The following MIA2 variants were observed in gnomAD, a reference collection of about 807,000 sequenced individuals.
MIA2 encodes the protein MIA SH3 domain ER export factor 2, also known as melanoma inhibitory activity protein 2.
MIA2 carries 127 observed loss-of-function variants against 167.8 expected under a neutral mutation model. The observed-to-expected ratio is 0.76, with a 90% CI of 0.66 to 0.88. The LOEUF is 0.88. Ranked by LOEUF, MIA2 falls within the 40% of genes least tolerant of loss-of-function variation. The pLI is 0.00. For missense variants in MIA2, 1,690 were observed against 1,624.7 expected, an observed-to-expected ratio of 1.04 and a Z score of -0.69; for synonymous variants, 552 against 541.9, an observed-to-expected ratio of 1.02 and a Z score of -0.26.
chr14:39,277,584 AG>A (rs2058188456), intron 7 of MIA2, among the ~76,000 whole-genome samples: 2 of 148,382 alleles, frequency 1.3e-5, no homozygotes, highest in South Asian at 4.3e-4. Flanking sequence ...CCTGGGCTCA[AG>A]TGATCCTCCT....
chr14:39,264,357 C>T (rs1263529075), intron 6 of MIA2, among the ~76,000 whole-genome samples: 2 of 152,116 alleles, frequency 1.3e-5, no homozygotes, highest in African/African-American at 4.8e-5. Context: ...TGATGGGCAC[C>T]TAGGGTGAGT....
intron 23 of MIA2, chr14:39,385,775 C>A: frequency 2.3e-6 from 2 of 868,420 alleles, no homozygotes; most frequent in Non-Finnish European, 4.0e-6. Flanking sequence ...GTTACCAGGT[C>A]ATTTAATTGC....
intron 25 of MIA2, among the ~76,000 whole-genome samples, chr14:39,329,108 TTTC>T (rs1228557375): frequency 1.3e-5 from 2 of 151,804 alleles, no homozygotes; most frequent in Non-Finnish European, 2.9e-5. Context: ...GCATGGAATG[TTTC>T]TTCTTTTGTT....
intron 23 of MIA2, chr14:39,385,339 A>C: frequency 1.2e-6 from 1 of 810,538 alleles, no homozygotes; most frequent in Non-Finnish European, 2.1e-6. Context: ...AAAAAAGTTC[A>C]GGTTATACTC....
intron 6 of MIA2, among the ~76,000 whole-genome samples, chr14:39,268,774 C>A (rs2056531032): frequency 1.3e-5 from 2 of 152,082 alleles, no homozygotes; most frequent in Non-Finnish European, 2.9e-5. Flanking sequence ...AAAGAGGGTA[C>A]TGTGTGGAGA....
intron 9 of MIA2, 33 bp from the exon 10 acceptor site, chr14:39,290,986 A>C: frequency 6.4e-7 from 1 of 1,559,150 alleles, no homozygotes; most frequent in Non-Finnish European, 8.8e-7. Flanking sequence ...TACAATTGGT[A>C]GAGTTTTTAC....
At chr14:39,341,195 G>A (rs1333674445) in intron 25 of MIA2, among the ~76,000 whole-genome samples, 10 of 152,138 alleles carry the variant, frequency 6.6e-5, no homozygotes, top group African/African-American at 1.4e-4. Context: ...CCAGCTGCTC[G>A]GGAGGCTGAG....
intron 25 of MIA2, among the ~76,000 whole-genome samples, chr14:39,330,842 C>A (rs2068706037): frequency 6.6e-6 from 1 of 151,798 alleles, no homozygotes; most frequent in Non-Finnish European, 1.5e-5. Flanking sequence ...TTATGATTTC[C>A]ATCCTTTTGC....
intron 23 of MIA2, chr14:39,386,567 G>A (rs2075275554): frequency 8.5e-7 from 1 of 1,174,930 alleles, no homozygotes; most frequent in South Asian, 1.4e-5. Flanking sequence ...TGGTCTCTTT[G>A]TTATCATCAC....
In MIA2 at chr14:39,347,724, C is replaced by G; in HGVS notation, c.3790C>G (p.Pro1264Ala). The change falls in exon 27 of 29, where the codon CCT becomes GCT. Residue 1264 changes from proline (P) to alanine (A), a missense_variant. By Grantham distance (27) the Pro-to-Ala change is conservative. Coordinates refer to ENST00000640607, the MANE Select transcript of MIA2 (RefSeq NM_001329214.4). Reference protein sequence around the residue: ...PSLDKMDGSMPSEMESSRNDT... With the variant: ...PSLDKMDGSMASEMESSRNDT... ...ACTTTTATGTCTAGATGGGTCAATG[C>G]CTTCAGAAATGGAATCCAGTAGAAA... 6.2e-7 allele frequency: 1 copy of G among 1,612,318 alleles called. No homozygotes were observed. Among genetic ancestry groups the G allele is most frequent in the Non-Finnish European group, 8.5e-7 (1 of 1,179,430 alleles).
At chr14:39,242,467 C>T (rs1031136198) in intron 3 of MIA2, among the ~76,000 whole-genome samples, 2 of 152,032 alleles carry the variant, frequency 1.3e-5, no homozygotes, top group African/African-American at 2.4e-5. Flanking sequence ...GGATTACAGG[C>T]ACCCACTGCC....
chr14:39,237,785 G>A (rs1027329121), intron 2 of MIA2, among the ~76,000 whole-genome samples: 1 of 152,186 alleles, frequency 6.6e-6, no homozygotes, highest in African/African-American at 2.4e-5. Context: ...TGTTGCCCAG[G>A]CTGGAGTGCA....
chr14:39,331,523 A>T (rs1219793626), intron 25 of MIA2, among the ~76,000 whole-genome samples: 1 of 152,140 alleles, frequency 6.6e-6, no homozygotes, highest in East Asian at 1.9e-4. Context: ...TATTTTGCCC[A>T]TTAGTTGATG....
At chr14:39,363,783 A>G (rs980287201) in intron 23 of MIA2, among the ~76,000 whole-genome samples, 5 of 152,122 alleles carry the variant, frequency 3.3e-5, no homozygotes, top group Admixed American at 6.5e-5. Context: ...TTGCCTCTGT[A>G]TACTGTGTTT....
At position 39,306,535 on chromosome 14, in the gene MIA2, C is replaced by G. The variant is rs761411751; in HGVS notation, c.2879-1914C>G. On this transcript the variant is annotated intron_variant, in intron 17 of 28. Coordinates refer to ENST00000640607, the MANE Select transcript of MIA2 (RefSeq NM_001329214.4). The stretch of plus-strand genomic sequence containing the variant: ...GGTGATAAACCATTAGAAACCACCC[C>G]CTTGGTCCAATCACCTCCCATCTGG... 2.0e-5 allele frequency among the ~76,000 whole-genome samples: 3 copies of G among 152,114 alleles called. No homozygotes were observed. In the East Asian group the frequency reaches 5.8e-4, roughly 29 times the overall value.
rs574376643 is a variant in MIA2, at chr14:39,357,016, A to AAT, written c.2248+8046_2248+8047dup. 6.2e-3 allele frequency among the ~76,000 whole-genome samples: 939 copies of AAT among 152,284 alleles called. 9 individuals are homozygous for AAT. Among genetic ancestry groups the AAT allele is most frequent in the African/African-American group, 0.022 (897 of 41,550 alleles). ...ATAAGTGTGGTGTGGTGCTGAGAAG[A>AAT]ATATATATTCTGTTGAATTCGGGTG... On this transcript the variant is annotated intron_variant, in intron 23 of 23. Coordinates refer to the MIA2 transcript ENST00000341502.
In MIA2 at chr14:39,267,361, G is replaced by T. The variant is rs555043821; in HGVS notation, c.1888-9573G>T. 3.7e-4 allele frequency: 586 copies of T among 1,585,604 alleles called. 4 individuals carry two copies. In the South Asian group the frequency reaches 6.2e-3, roughly 17 times the overall value. On this transcript the variant is annotated intron_variant, in intron 6 of 28. Transcript: ENST00000640607. Reference sequence around the variant, plus strand: ...TGGTCCACTCCGGTTGCCGGGTGCGGATTCGGGTTCCGGACCGAAGGCTGT... The same window carrying T: ...TGGTCCACTCCGGTTGCCGGGTGCGTATTCGGGTTCCGGACCGAAGGCTGT...
At chr14:39,335,610 T>C (rs959387248) in intron 25 of MIA2, among the ~76,000 whole-genome samples, 5 of 152,202 alleles carry the variant, frequency 3.3e-5, no homozygotes, top group African/African-American at 1.2e-4. Flanking sequence ...ATTTTAATAA[T>C]GTTATCTTTT....
chr14:39,327,103 T>C (rs2067722860), intron 25 of MIA2, 81 bp downstream of exon 25: 2 of 1,104,946 alleles, frequency 1.8e-6, no homozygotes, highest in Non-Finnish European at 2.4e-6. Context: ...AAGGGAGGAG[T>C]ATATGTTTGT....
Sources: gnomAD v4.1 joint callset for allele counts (sites outside exome capture counted in the v4.1 genomes callset) on GRCh38, gnomAD v4.1.1 for gene constraint, MANE v1.5 for transcripts, NCBI Gene and HGNC (gene_info 2026-07-23, HGNC 2026-07-21) for gene names.